Variants in TASP1 observed in about 807,000 individuals in gnomAD.
TASP1 encodes the protein taspase 1.
Under a neutral mutation model 56.6 loss-of-function variants are expected in TASP1, and 16 were observed. The observed-to-expected ratio is 0.28, with a 90% CI of 0.19 to 0.43. The LOEUF (loss-of-function observed/expected upper bound fraction) is 0.43. Ranked by LOEUF, TASP1 falls within the 20% of genes least tolerant of loss-of-function variation. The pLI is 1.00. For synonymous variants in TASP1, 179 were observed against 184.2 expected (o/e 0.97, Z 0.23); for missense variants, 393 against 511.6 (o/e 0.77, Z 2.24).
At chr20:13,566,216 C>A (rs1268154360) in intron 7 of TASP1, among the ~76,000 whole-genome samples, 1 of 151,902 alleles carries the variant, frequency 6.6e-6, no homozygotes. Flanking sequence ...TTTGGTGTTA[C>A]GAGATGAAGA....
chr20:13,116,800 C>T, the TASP1 span, among the ~76,000 whole-genome samples: 11 of 152,326 alleles, frequency 7.2e-5, no homozygotes, highest in East Asian at 3.9e-4. Flanking sequence ...CAAAAATGCA[C>T]GTTCTCAGCC....
In TASP1 at chr20:13,534,375, C is replaced by T. The variant is rs531883118; in HGVS notation, c.676-234G>A. Among the ~76,000 whole-genome samples the T allele has an allele frequency of 1.7e-4, 25 of 151,168 alleles. No homozygotes were observed. The East Asian group carries it at 4.9e-3, about 30-fold the overall frequency. ...AAACAAAAGGTATCCTGTTGCTTTT[C>T]TCTAATAATAAGGCTATAGTGTCTT... On this transcript the variant is annotated intron_variant, in intron 8 of 13. Transcript: ENST00000337743.
the TASP1 span, among the ~76,000 whole-genome samples, chr20:13,375,552 A>C: frequency 4.8e-3 from 732 of 152,328 alleles, 36 homozygotes; most frequent in East Asian, 0.11. Context: ...ATATGTGTGC[A>C]TATGTCTTTA....
intron 1 of TASP1, among the ~76,000 whole-genome samples, chr20:13,633,174 C>T (rs1241348051): frequency 3.9e-5 from 6 of 152,014 alleles, no homozygotes; most frequent in African/African-American, 1.4e-4. Flanking sequence ...ACTTGATAAA[C>T]ATATATGTAA....
chr20:13,367,162 C>G, the TASP1 span, among the ~76,000 whole-genome samples: 2 of 152,182 alleles, frequency 1.3e-5, no homozygotes, highest in Non-Finnish European at 2.9e-5. Context: ...ATTTTATATA[C>G]ACAGCATCCT....
rs143419248 is a variant in TASP1, at chr20:13,508,646, C to A, written c.874+19787G>T. 2.1e-3 allele frequency among the ~76,000 whole-genome samples: 321 copies of A among 152,102 alleles called. 1 individual carries two copies. The highest frequency in any genetic ancestry group is 6.4e-3 in the African/African-American group (267 of 41,506). On this transcript the variant is annotated intron_variant, in intron 10 of 13. Transcript: ENST00000337743. ...CCTCACTAGCAAAAAATAAAATAAACTAAAATAACTTTATTTTTTATAATG... is the reference window on the plus strand; with the variant it reads ...CCTCACTAGCAAAAAATAAAATAAAATAAAATAACTTTATTTTTTATAATG...
At chr20:13,188,338 T>A in the TASP1 span, among the ~76,000 whole-genome samples, 3 of 152,074 alleles carry the variant, frequency 2.0e-5, no homozygotes, top group Non-Finnish European at 4.4e-5. Flanking sequence ...ATAAATTGAG[T>A]AAAGTTGCAG....
chr20:13,249,634 C>A, the TASP1 span, among the ~76,000 whole-genome samples: 1 of 152,210 alleles, frequency 6.6e-6, no homozygotes, highest in Non-Finnish European at 1.5e-5. Flanking sequence ...GTTTTAATCT[C>A]TGTAGTGGAA....
the TASP1 span, among the ~76,000 whole-genome samples, chr20:13,112,916 C>T: frequency 1.3e-5 from 2 of 152,212 alleles, no homozygotes; most frequent in South Asian, 4.1e-4. Flanking sequence ...GGTGCAGTGG[C>T]TCATGCCTGT....
intron 11 of TASP1, among the ~76,000 whole-genome samples, chr20:13,476,354 A>C (rs1163057796): frequency 6.6e-6 from 1 of 152,188 alleles, no homozygotes; most frequent in Non-Finnish European, 1.5e-5. Flanking sequence ...TCATACATCT[A>C]GGACTACCTT....
At chr20:13,405,713 A>AT (rs1278098247) in intron 13 of TASP1, among the ~76,000 whole-genome samples, 9,351 of 136,500 alleles carry the variant, frequency 0.069, 737 homozygotes, top group African/African-American at 0.19. Context: ...TGCCCAGCTA[A>AT]TTTTTTTTTT....
chr20:13,138,334 T>A, the TASP1 span, among the ~76,000 whole-genome samples: 3 of 152,202 alleles, frequency 2.0e-5, no homozygotes, highest in Admixed American at 6.5e-5. Flanking sequence ...AAGGCTCTCA[T>A]CCCTCCCCAC....
the TASP1 span, among the ~76,000 whole-genome samples, chr20:13,113,549 T>C: frequency 9.2e-5 from 14 of 152,268 alleles, no homozygotes; most frequent in African/African-American, 3.1e-4. Flanking sequence ...ATAATAATAA[T>C]GTCACCATTC....
chr20:13,415,923 T>C (rs960825315), intron 13 of TASP1, among the ~76,000 whole-genome samples: 1 of 152,184 alleles, frequency 6.6e-6, no homozygotes, highest in Non-Finnish European at 1.5e-5. Flanking sequence ...AAGCTACTGT[T>C]AGGCAAGGAT....
chr20:13,126,563 C>CT, the TASP1 span: 1 of 1,611,754 alleles, frequency 6.2e-7, no homozygotes, highest in African/African-American at 1.3e-5. Context: ...TATTTGCCTT[C>CT]TTTTTGGGTT....
intron 4 of TASP1, 87 bp downstream of exon 4, chr20:13,623,359 G>T: frequency 9.2e-7 from 1 of 1,089,504 alleles, no homozygotes; most frequent in Non-Finnish European, 1.4e-6. Context: ...TATAATTTAT[G>T]GTTGACTAAC....
chr20:13,407,645 A>G (rs2041970792), intron 13 of TASP1, among the ~76,000 whole-genome samples: 1 of 152,188 alleles, frequency 6.6e-6, no homozygotes, highest in African/African-American at 2.4e-5. Context: ...TTTTTGAGGA[A>G]CTGCCAAACT....
chr20:13,498,068 T>C (rs1433925866), intron 10 of TASP1, among the ~76,000 whole-genome samples: 1 of 152,020 alleles, frequency 6.6e-6, no homozygotes, highest in African/African-American at 2.4e-5. Context: ...AAAGAATATA[T>C]GACTAAGACC....
chr20:13,323,672 T>C, the TASP1 span, among the ~76,000 whole-genome samples: 1 of 152,222 alleles, frequency 6.6e-6, no homozygotes, highest in Non-Finnish European at 1.5e-5. Flanking sequence ...TAGACCTGAT[T>C]TTTCTTATAC....
Sources: allele counts gnomAD v4.1 joint callset (sites outside exome capture counted in the v4.1 genomes callset), GRCh38; gene constraint gnomAD v4.1.1; transcripts MANE v1.5; gene names NCBI Gene and HGNC (gene_info 2026-07-23, HGNC 2026-07-21).